The following CNTNAP2 variants were observed in gnomAD, a reference collection of about 807,000 sequenced individuals.
The protein encoded by CNTNAP2 is contactin associated protein 2, also known as contactin-associated protein-like 2.
In CNTNAP2, 98 loss-of-function variants were observed where a neutral mutation model predicts 155.2. The ratio of observed to expected loss-of-function variants is 0.63; its 90% CI spans 0.54 to 0.75. The LOEUF is 0.75. Ranked by LOEUF, CNTNAP2 falls within the 30% of genes least tolerant of loss-of-function variation. The pLI is 0.00. For synonymous variants in CNTNAP2, 651 were observed against 631.2 expected (o/e 1.03, Z -0.47); for missense variants, 1,727 against 1,688.1 (o/e 1.02, Z -0.40).
At chr7:146,584,794 A>G (rs953244961) in intron 1 of CNTNAP2, among the ~76,000 whole-genome samples, 1 of 128,512 alleles carries the variant, frequency 7.8e-6, no homozygotes, top group African/African-American at 3.5e-5. Flanking sequence ...TTCTTAAACC[A>G]ATTATTGCAA....
chr7:147,202,732 G>C (rs1414731502), intron 8 of CNTNAP2, among the ~76,000 whole-genome samples: 1 of 152,044 alleles, frequency 6.6e-6, no homozygotes, highest in Non-Finnish European at 1.5e-5. Context: ...TCACTCATAG[G>C]TGGGAGTTGA....
chr7:147,365,383 GAAAAAAA>G (rs10557373), intron 9 of CNTNAP2, among the ~76,000 whole-genome samples: 11 of 93,638 alleles, frequency 1.2e-4, no homozygotes, highest in South Asian at 4.3e-4. Flanking sequence ...ATCTCAAAAA[GAAAAAAA>G]AAAAAAAAAA....
rs374414421 is a variant in CNTNAP2 at position 147,927,152 on chromosome 7, TGATAAA to T, written c.2255+23437_2255+23442del. 5.4e-3 allele frequency among the ~76,000 whole-genome samples: 822 copies of T among 152,292 alleles called. 2 individuals carry two copies. The highest frequency in any genetic ancestry group is 0.019 in the African/African-American group (791 of 41,554). ...GCATTTATTCTATTTAGTTGTAGAA[TGATAAA>T]GATAATTTTTTTAGAATGGTCTAAG... On this transcript the variant is annotated intron_variant, in intron 14 of 23. Coordinates refer to ENST00000361727, the MANE Select transcript of CNTNAP2 (RefSeq NM_014141.6).
At chr7:147,636,272 G>T (rs1795179150) in intron 12 of CNTNAP2, among the ~76,000 whole-genome samples, 1 of 152,138 alleles carries the variant, frequency 6.6e-6, no homozygotes, top group Non-Finnish European at 1.5e-5. Flanking sequence ...CTAGCAGAGA[G>T]GGATGTTGTT....
intron 15 of CNTNAP2, among the ~76,000 whole-genome samples, chr7:148,062,076 T>TGTGTGTGTGTGTG: frequency 7.1e-6 from 1 of 141,368 alleles, no homozygotes; most frequent in African/African-American, 2.7e-5. Context: ...TGTGTGTGTG[T>TGTGTGTGTGTGTG]TTAGTCCATG....
chr7:147,459,168 T>C (rs1797973402), intron 10 of CNTNAP2, among the ~76,000 whole-genome samples: 1 of 152,206 alleles, frequency 6.6e-6, no homozygotes, highest in African/African-American at 2.4e-5. Context: ...AGGAACTACA[T>C]TTTAATTGTA....
chr7:148,335,226 C>T (rs1355078494), intron 21 of CNTNAP2, among the ~76,000 whole-genome samples: 1 of 152,178 alleles, frequency 6.6e-6, no homozygotes, highest in African/African-American at 2.4e-5. Flanking sequence ...CCAACCCACT[C>T]TAATCCCACA....
intron 1 of CNTNAP2, among the ~76,000 whole-genome samples, chr7:146,355,205 C>T (rs904860616): frequency 6.6e-6 from 1 of 152,164 alleles, no homozygotes; most frequent in Non-Finnish European, 1.5e-5. Context: ...TAGAAGAAAT[C>T]ATAAACTTTA....
chr7:146,733,950 T>C (rs904465134), intron 1 of CNTNAP2, among the ~76,000 whole-genome samples: 9 of 152,106 alleles, frequency 5.9e-5, no homozygotes, highest in African/African-American at 2.2e-4. Flanking sequence ...CTCCTTACCC[T>C]CTCTTCATTT....
chr7:146,731,532 A>G (rs1374599612), intron 1 of CNTNAP2, among the ~76,000 whole-genome samples: 2 of 152,160 alleles, frequency 1.3e-5, no homozygotes. Context: ...CCTGAGCAGC[A>G]GAGTGAGATG....
At chr7:147,524,119 G>A (rs1009734789) in intron 11 of CNTNAP2, among the ~76,000 whole-genome samples, 3 of 152,158 alleles carry the variant, frequency 2.0e-5, no homozygotes, top group African/African-American at 2.4e-5. Context: ...TGGTAGCTTT[G>A]CTCCACTCAC....
At chr7:148,016,209 C>G (rs1585079043) in intron 15 of CNTNAP2, among the ~76,000 whole-genome samples, 1 of 152,216 alleles carries the variant, frequency 6.6e-6, no homozygotes, top group Non-Finnish European at 1.5e-5. Flanking sequence ...CCGGGGTGGA[C>G]ATGCCCATCC....
chr7:148,297,165 A>G (rs374815679), intron 21 of CNTNAP2, among the ~76,000 whole-genome samples: 5 of 128,832 alleles, frequency 3.9e-5, no homozygotes, highest in Non-Finnish European at 6.5e-5. Flanking sequence ...GAGATAGAGA[A>G]AAGGAAGGAA....
intron 11 of CNTNAP2, among the ~76,000 whole-genome samples, chr7:147,536,825 A>G (rs143405330): frequency 7.2e-4 from 110 of 152,086 alleles, no homozygotes; most frequent in Non-Finnish European, 1.4e-3. Context: ...GCCTGATGCT[A>G]CCTCCCAGGC....
At chr7:146,449,536 A>G (rs980666673) in intron 1 of CNTNAP2, among the ~76,000 whole-genome samples, 2 of 152,182 alleles carry the variant, frequency 1.3e-5, no homozygotes, top group African/African-American at 4.8e-5. Flanking sequence ...CATCTACAGT[A>G]TCAATGACTT....
chr7:148,335,428 C>A (rs1413028297), intron 21 of CNTNAP2, among the ~76,000 whole-genome samples: 2 of 152,340 alleles, frequency 1.3e-5, no homozygotes, highest in East Asian at 3.9e-4. Flanking sequence ...ACACCTCCAG[C>A]AGGGAGGTGA....
intron 1 of CNTNAP2, among the ~76,000 whole-genome samples, chr7:146,234,184 T>A (rs1159959717): frequency 6.6e-6 from 1 of 151,700 alleles, no homozygotes; most frequent in Non-Finnish European, 1.5e-5. Context: ...GGTATCTCAT[T>A]GTGGTTTTGA....
chr7:147,014,067 C>T (rs1170943618), intron 3 of CNTNAP2, among the ~76,000 whole-genome samples: 2 of 152,176 alleles, frequency 1.3e-5, no homozygotes. Context: ...CTAACAATGC[C>T]TCTCCACAAG....
intron 13 of CNTNAP2, among the ~76,000 whole-genome samples, chr7:147,850,239 A>G (rs1315837656): frequency 6.6e-6 from 1 of 152,246 alleles, no homozygotes; most frequent in Non-Finnish European, 1.5e-5. Context: ...AAGGAGAACT[A>G]CAAACCACTG....
Sources: gnomAD v4.1 joint callset for allele counts (sites outside exome capture counted in the v4.1 genomes callset) on GRCh38, gnomAD v4.1.1 for gene constraint, MANE v1.5 for transcripts, NCBI Gene and HGNC (gene_info 2026-07-23, HGNC 2026-07-21) for gene names.